The following NAALADL2 variants were observed in gnomAD, a reference collection of about 807,000 sequenced individuals.
NAALADL2 encodes the protein inactive N-acetylated-alpha-linked acidic dipeptidase-like protein 2.
In NAALADL2, 76 loss-of-function variants were observed where a neutral mutation model predicts 87.2. That is an observed-to-expected ratio of 0.87 (90% CI 0.72 to 1.05). The LOEUF is 1.05. Ranked by LOEUF, NAALADL2 falls within the 50% of genes least tolerant of loss-of-function variation. The pLI, the probability that NAALADL2 is intolerant of heterozygous loss-of-function variation, is 0.00. For missense variants in NAALADL2, 1,089 were observed against 945.8 expected (o/e 1.15, Z -1.99); for synonymous variants, 354 against 331.0 (o/e 1.07, Z -0.75).
chr3:174,787,601 A>ACATATATATATATATATATATG (rs1346232794), intron 3 of NAALADL2, among the ~76,000 whole-genome samples: 37 of 91,184 alleles, frequency 4.1e-4, no homozygotes, highest in African/African-American at 1.4e-3. Context: ...ATATATATAT[A>ACATATATATATATATATATATG]TATATATATA....
chr3:175,133,615 G>A (rs906597677), intron 2 of NAALADL2, among the ~76,000 whole-genome samples: 4 of 152,284 alleles, frequency 2.6e-5, no homozygotes, highest in African/African-American at 7.2e-5. Flanking sequence ...GCAGGCACTC[G>A]GCAGGCTGAG....
chr3:174,900,810 T>C (rs564881755), intron 1 of NAALADL2, among the ~76,000 whole-genome samples: 1 of 152,204 alleles, frequency 6.6e-6, no homozygotes, highest in African/African-American at 2.4e-5. Context: ...AAATATGCCC[T>C]TTTTAAAAGC....
intron 5 of NAALADL2, among the ~76,000 whole-genome samples, chr3:175,445,581 A>C (rs1337717560): frequency 6.6e-6 from 1 of 152,132 alleles, no homozygotes; most frequent in Admixed American, 6.5e-5. Flanking sequence ...AACTTTCACA[A>C]GTATTCATGT....
intron 1 of NAALADL2, among the ~76,000 whole-genome samples, chr3:174,497,005 T>C (rs1718590557): frequency 6.6e-6 from 1 of 152,192 alleles, no homozygotes; most frequent in Non-Finnish European, 1.5e-5. Flanking sequence ...TCAGTAAAAA[T>C]GTGTAATTAC....
chr3:174,607,796 C>G (rs1481487707), intron 2 of NAALADL2, among the ~76,000 whole-genome samples: 2 of 152,136 alleles, frequency 1.3e-5, no homozygotes, highest in Non-Finnish European at 2.9e-5. Context: ...GAAGTGAACT[C>G]AGCTCTTCAC....
intron 11 of NAALADL2, among the ~76,000 whole-genome samples, chr3:175,736,739 G>A (rs756564320): frequency 3.3e-5 from 5 of 152,154 alleles, no homozygotes; most frequent in East Asian, 3.8e-4. Context: ...TTATGTATTC[G>A]TCAGTATGTA....
chr3:174,742,541 C>CT lies in NAALADL2; in HGVS notation c.-9+4798dup, dbSNP rs199859898. 7.7e-3 allele frequency among the ~76,000 whole-genome samples: 1,162 copies of CT among 151,606 alleles called. 16 individuals carry two copies. Among genetic ancestry groups the CT allele is most frequent in the Middle Eastern group, 0.027 (8 of 294 alleles). ...TAAATAATCATATGCGTATGCAATA[C>CT]TTTAACATTTAAAGCACAAAAAAGA... On this transcript the variant is annotated intron_variant, in intron 3 of 3. Transcript: ENST00000434257.
chr3:174,749,269 C>T (rs1369160253), intron 3 of NAALADL2, among the ~76,000 whole-genome samples: 2 of 152,088 alleles, frequency 1.3e-5, no homozygotes, highest in Admixed American at 1.3e-4. Context: ...TAATCATTCT[C>T]ATTTTCATCA....
At chr3:175,633,320 A>C (rs892598409) in intron 11 of NAALADL2, among the ~76,000 whole-genome samples, 7 of 151,974 alleles carry the variant, frequency 4.6e-5, no homozygotes, top group African/African-American at 1.7e-4. Flanking sequence ...AATATCCTGT[A>C]TTTATTTTAT....
chr3:175,511,102 T>G (rs765884484), intron 9 of NAALADL2, among the ~76,000 whole-genome samples: 1 of 152,068 alleles, frequency 6.6e-6, no homozygotes, highest in South Asian at 2.1e-4. Context: ...GATAGTAAGA[T>G]AGTAAAAGTC....
chr3:175,164,112 T>G (rs1733632634), intron 2 of NAALADL2, among the ~76,000 whole-genome samples: 1 of 152,074 alleles, frequency 6.6e-6, no homozygotes, highest in African/African-American at 2.4e-5. Flanking sequence ...AATAATAAGT[T>G]CAATTCCAAG....
chr3:174,619,384 A>C (rs1720783237), intron 2 of NAALADL2, among the ~76,000 whole-genome samples: 1 of 151,878 alleles, frequency 6.6e-6, no homozygotes, highest in South Asian at 2.1e-4. Flanking sequence ...AAGTTTTGTA[A>C]AACATGTTCT....
intron 9 of NAALADL2, among the ~76,000 whole-genome samples, chr3:175,494,874 A>G (rs536853044): frequency 1.3e-5 from 2 of 152,022 alleles, no homozygotes; most frequent in South Asian, 4.2e-4. Context: ...TTGATATGCA[A>G]TGCATATTGT....
At chr3:174,992,875 AAC>A (rs1243511679) in intron 1 of NAALADL2, among the ~76,000 whole-genome samples, 9 of 152,138 alleles carry the variant, frequency 5.9e-5, no homozygotes, top group African/African-American at 2.2e-4. Context: ...CTGTGTGAAT[AAC>A]AGTGTTTTTT....
chr3:175,504,846 A>G (rs116796186), intron 9 of NAALADL2, among the ~76,000 whole-genome samples: 3,174 of 152,312 alleles, frequency 0.021, 112 homozygotes, highest in African/African-American at 0.072. Context: ...TGTTCAAAAA[A>G]TACTTGACAG....
chr3:174,973,459 T>C lies in NAALADL2; in HGVS notation c.43+114009T>C, dbSNP rs577595496. On this transcript the variant is annotated intron_variant, in intron 1 of 13. Coordinates refer to ENST00000454872, the MANE Select transcript of NAALADL2 (RefSeq NM_207015.3). ...CCATTTTATTTTTATGTGGTTATTT[T>C]ATATAAGATAATATTATAGCTCTAA... is the stretch of plus-strand genomic sequence containing the variant. Among the ~76,000 whole-genome samples the C allele has an allele frequency of 5.9e-5, 9 of 152,318 alleles. No homozygotes were observed. The South Asian group carries it at 1.9e-3, about 32-fold the overall frequency.
intron 5 of NAALADL2, among the ~76,000 whole-genome samples, chr3:175,397,509 C>T (rs986710100): frequency 6.6e-6 from 1 of 152,056 alleles, no homozygotes; most frequent in Non-Finnish European, 1.5e-5. Flanking sequence ...TTTCTGAGCC[C>T]ACTGAATTCC....
At chr3:175,193,441 C>T (rs1226320069) in intron 2 of NAALADL2, among the ~76,000 whole-genome samples, 4 of 151,692 alleles carry the variant, frequency 2.6e-5, no homozygotes, top group Non-Finnish European at 5.9e-5. Flanking sequence ...CCAAAATTAG[C>T]CTACTTTCAG....
At chr3:175,319,524 T>C (rs1759568661) in intron 4 of NAALADL2, among the ~76,000 whole-genome samples, 1 of 152,204 alleles carries the variant, frequency 6.6e-6, no homozygotes, top group East Asian at 1.9e-4. Context: ...CTCTCCTTTC[T>C]TTAAGAATTG....
Sources: allele counts gnomAD v4.1 joint callset (sites outside exome capture counted in the v4.1 genomes callset), GRCh38; gene constraint gnomAD v4.1.1; transcripts MANE v1.5; gene names NCBI Gene and HGNC (gene_info 2026-07-23, HGNC 2026-07-21).